Variants in ATP9A observed in about 807,000 individuals in gnomAD.
ATP9A encodes probable phospholipid-transporting ATPase IIA.
A neutral mutation model predicts 144.1 loss-of-function variants in ATP9A; 52 were observed. The observed-to-expected ratio is 0.36, with a 90% CI of 0.29 to 0.45. The LOEUF is 0.45. Ranked by LOEUF, ATP9A falls within the 20% of genes least tolerant of loss-of-function variation. The pLI is 1.00. For missense variants in ATP9A, 947 were observed against 1,392.7 expected (o/e 0.68, Z 5.09); for synonymous variants, 582 against 557.4 (o/e 1.04, Z -0.62).
intron 13 of ATP9A, among the ~76,000 whole-genome samples, chr20:51,658,839 A>T (rs1230129378): frequency 7.6e-6 from 1 of 132,424 alleles, no homozygotes; most frequent in East Asian, 2.6e-4. Context: ...GCTTCCTTTG[A>T]AGAAAGGGTT....
chr20:51,660,394 C>G (rs541091215), intron 13 of ATP9A, among the ~76,000 whole-genome samples: 1 of 152,260 alleles, frequency 6.6e-6, no homozygotes, highest in South Asian at 2.1e-4. Flanking sequence ...CCAGGTGAAA[C>G]AATTCCCAAG....
chr20:51,697,251 C>G (rs200439084), intron 5 of ATP9A, among the ~76,000 whole-genome samples, 173 bp downstream of exon 5: 3 of 151,304 alleles, frequency 2.0e-5, no homozygotes, highest in South Asian at 2.1e-4. Flanking sequence ...GTGTGTGTGT[C>G]TGTGTGTGTG....
intron 10 of ATP9A, among the ~76,000 whole-genome samples, chr20:51,674,534 G>A (rs1227337368): frequency 6.6e-6 from 1 of 152,122 alleles, no homozygotes; most frequent in Non-Finnish European, 1.5e-5. Flanking sequence ...ATGGGCTGGT[G>A]TTCATAACAG....
At chr20:51,654,302 A>C (rs1026776900) in intron 14 of ATP9A, among the ~76,000 whole-genome samples, 47 of 152,140 alleles carry the variant, frequency 3.1e-4, no homozygotes, top group Admixed American at 3.0e-3. Context: ...AGGGAGAAAG[A>C]AGCACCAGGA....
chr20:51,737,534 C>T (rs2077767621), intron 1 of ATP9A, among the ~76,000 whole-genome samples: 1 of 152,086 alleles, frequency 6.6e-6, no homozygotes, highest in African/African-American at 2.4e-5. Flanking sequence ...AGTACGTAAC[C>T]CCAGTTGGAC....
intron 1 of ATP9A, among the ~76,000 whole-genome samples, chr20:51,748,667 C>A (rs1337030631): frequency 6.6e-6 from 1 of 152,186 alleles, no homozygotes; most frequent in Non-Finnish European, 1.5e-5. Flanking sequence ...GACATTTTGA[C>A]GATGCTATCA....
At chr20:51,605,539 G>A (rs1267965184) in intron 26 of ATP9A, among the ~76,000 whole-genome samples, 1 of 152,106 alleles carries the variant, frequency 6.6e-6, no homozygotes, top group Non-Finnish European at 1.5e-5. Flanking sequence ...GATCACTTGA[G>A]CCTGGGAGAT....
intron 4 of ATP9A, among the ~76,000 whole-genome samples, chr20:51,712,222 G>A (rs534522191): frequency 8.6e-5 from 13 of 151,968 alleles, no homozygotes; most frequent in East Asian, 1.9e-4. Flanking sequence ...ACAGGCGCCC[G>A]CCACCATGCC....
intron 3 of ATP9A, among the ~76,000 whole-genome samples, chr20:51,716,959 A>G (rs1187872254): frequency 6.6e-6 from 1 of 152,084 alleles, no homozygotes; most frequent in Non-Finnish European, 1.5e-5. Context: ...GGATCACCTG[A>G]GGTCAGGAGT....
rs2077125301 is a variant in ATP9A, at chr20:51,597,746, G to T, written c.*3465C>A. ...GTATAAAAAGAAAAGTCTGGCGGGG[G>T]GTGGGGGAGGCATTAGCATATCAAT... On this transcript the variant is annotated 3_prime_UTR_variant, in exon 28 of 28. Coordinates refer to ENST00000338821, the MANE Select transcript of ATP9A (RefSeq NM_006045.3). The T allele has an allele frequency of 6.6e-6, 1 of 151,980 alleles. No homozygotes were observed. The highest frequency in any genetic ancestry group is 1.9e-4 in the East Asian group (1 of 5,180). The allele number at this position is 151,980 out of a possible 1,614,324, so 9.4% of individuals were successfully genotyped here.
chr20:51,636,593 G>T (rs536668967), intron 15 of ATP9A, among the ~76,000 whole-genome samples: 6 of 147,938 alleles, frequency 4.1e-5, no homozygotes, highest in Non-Finnish European at 8.8e-5. Context: ...AAGCCAGGCA[G>T]CCTGGAGTGA....
At position 51,670,788 on chromosome 20, in the gene ATP9A, G is replaced by C. The variant is rs2077452448; in HGVS notation, c.1180+327C>G. On this transcript the variant is annotated intron_variant, in intron 12 of 27. Transcript: ENST00000338821. The stretch of plus-strand genomic sequence containing the variant: ...ACTGCCTGAGTTAAAGCTTGCTTCG[G>C]CTACTATGCGCCCGTGACAAGTCAC... Among the ~76,000 whole-genome samples, 5 of 152,104 alleles carry C rather than the reference G, an allele frequency of 3.3e-5. No individual in the cohort carries two copies. The South Asian group carries it at 1.0e-3, about 32-fold the overall frequency.
intron 14 of ATP9A, among the ~76,000 whole-genome samples, chr20:51,655,862 CAAAAA>C (rs747607464): frequency 7.7e-6 from 1 of 130,114 alleles, no homozygotes; most frequent in Non-Finnish European, 1.7e-5. Flanking sequence ...TCTATATAGA[CAAAAA>C]AAAAAATCCA....
chr20:51,765,939 T>C (rs1198916332), intron 1 of ATP9A, among the ~76,000 whole-genome samples: 1 of 151,534 alleles, frequency 6.6e-6, no homozygotes, highest in Non-Finnish European at 1.5e-5. Flanking sequence ...GCAACAAGAG[T>C]GAAACTACAT....
intron 12 of ATP9A, among the ~76,000 whole-genome samples, chr20:51,670,518 C>T (rs2077451547): frequency 6.6e-6 from 1 of 152,204 alleles, no homozygotes; most frequent in Non-Finnish European, 1.5e-5. Context: ...GGTCCTAATG[C>T]TGACTTAACC....
chr20:51,709,810 C>T (rs748232176), intron 4 of ATP9A, among the ~76,000 whole-genome samples: 20 of 152,158 alleles, frequency 1.3e-4, no homozygotes, highest in Non-Finnish European at 2.1e-4. Context: ...ATAATTCTTG[C>T]AAATTTTTTG....
rs780792807 is a variant in ATP9A at position 51,729,903 on chromosome 20, C to G, written c.144G>C (p.Lys48Asn). The change falls in exon 2 of 28, where the codon AAG (lysine) becomes AAC (asparagine). Residue 48 changes from lysine (K) to asparagine (N), a missense_variant. By Grantham distance (94) the Lys-to-Asn change is moderately conservative. This residue lies in a region of ATP9A where 770 missense variants were observed against 1,047.9 expected (regional missense o/e 0.73). Transcript: ENST00000338821. ...PRTVWLGHPE[K>N]RDQRYPRNVI... ...CATTCCGAGGATACCTCTGGTCTCT[C>G]TTCTCGGGGTGCCCCAGCCAGACAG... The G allele has an allele frequency of 2.5e-6, 4 of 1,606,924 alleles. No homozygotes were observed. The African/African-American group carries it at 4.0e-5, about 16-fold the overall frequency.
intron 10 of ATP9A, 59 bp from the exon 11 acceptor site, chr20:51,674,372 T>G: frequency 6.3e-7 from 1 of 1,574,824 alleles, no homozygotes; most frequent in Non-Finnish European, 8.6e-7. Context: ...ATCTCAAACC[T>G]AAACCAGGAG....
At position 51,636,560 on chromosome 20, in the gene ATP9A, T is replaced by C. The variant is rs372237103; in HGVS notation, c.1668+2783A>G. Among the ~76,000 whole-genome samples, 11 of 148,988 alleles carry C rather than the reference T, an allele frequency of 7.4e-5. No homozygotes were observed. The East Asian group carries it at 1.7e-3, about 24-fold the overall frequency. ...CACCCCAGCCCTAACCCCCAAGTCC[T>C]GGCGTAGAGAGCTGGGAGCTGGAAG... On this transcript the variant is annotated intron_variant, in intron 15 of 27. Coordinates refer to ENST00000338821, the MANE Select transcript of ATP9A (RefSeq NM_006045.3).
Sources: allele counts gnomAD v4.1 joint callset (sites outside exome capture counted in the v4.1 genomes callset), GRCh38; gene constraint gnomAD v4.1.1; regional missense constraint gnomAD v4.1.1; transcripts MANE v1.5; gene names NCBI Gene and HGNC (gene_info 2026-07-23, HGNC 2026-07-21).